The following CCNE2 variants were observed in gnomAD, a reference collection of about 807,000 sequenced individuals.
CCNE2 encodes the protein cyclin E2, also known as G1/S-specific cyclin-E2.
A neutral mutation model predicts 56.8 loss-of-function variants in CCNE2; 18 were observed. That is an observed-to-expected ratio of 0.32 (90% CI 0.22 to 0.47). The LOEUF (loss-of-function observed/expected upper bound fraction) is 0.47, where lower values mean the gene tolerates loss of function less well. Ranked by LOEUF, CCNE2 falls within the 20% of genes least tolerant of loss-of-function variation. The pLI is 1.00. For missense variants in CCNE2, 371 were observed against 467.1 expected, an observed-to-expected ratio of 0.79 and a Z score of 1.90; for synonymous variants, 139 against 149.2, an observed-to-expected ratio of 0.93 and a Z score of 0.50.
At position 94,880,786 on chromosome 8, in the gene CCNE2, A is replaced by G. The variant is rs552361596; in HGVS notation, c.*846T>C. ...AATTAAAAAAAAAAATTCCTTAGGG[A>G]TATCTTAGAGTAGTAAAGTGACTTC... On this transcript the variant is annotated 3_prime_UTR_variant, in exon 12 of 12. Coordinates refer to ENST00000308108, the MANE Select transcript of CCNE2 (RefSeq NM_057749.3). 1.0e-5 allele frequency: 4 copies of G among 398,486 alleles called. No homozygotes were observed. In the South Asian group the frequency reaches 5.1e-4, roughly 51 times the overall value. 24.7% of individuals were successfully genotyped at this position (398,486 alleles called of 1,614,324 possible). A position where few individuals can be genotyped will look rare whatever the true frequency, so the allele number is the denominator to read the frequency against.
intron 7 of CCNE2, among the ~76,000 whole-genome samples, chr8:94,886,043 A>G (rs1419044441): frequency 1.3e-5 from 2 of 152,008 alleles, no homozygotes; most frequent in African/African-American, 4.8e-5. Context: ...AGTATTTTCA[A>G]CCTAAGCAGA....
At chr8:94,885,768 G>A (rs1486658995) in intron 7 of CCNE2, among the ~76,000 whole-genome samples, 6 of 146,712 alleles carry the variant, frequency 4.1e-5, no homozygotes, top group African/African-American at 1.0e-4. Flanking sequence ...TCTCAGGCTG[G>A]AGTGCAGTGG....
At position 94,882,226 on chromosome 8, in the gene CCNE2, T is replaced by C; in HGVS notation, c.1007A>G (p.Lys336Arg). 6.2e-7 allele frequency: 1 copy of C among 1,613,144 alleles called. No homozygotes were observed. The highest frequency in any genetic ancestry group is 8.5e-7 in the Non-Finnish European group (1 of 1,179,558). Residue 336 changes from lysine to arginine, a missense_variant, in exon 11 of 12, where the codon AAA (lysine) becomes AGA (arginine). By Grantham distance (26) the Lys-to-Arg change is conservative. Transcript: ENST00000308108. The part of the protein sequence containing the change: ...DWMVPFVNVV[K>R]STSPVKLKTF... ...CTTCAGCTTCACTGGACTAGTACTT[T>C]TTACTACATTGACAAAAGGTACCAT...
At chr8:94,884,002 T>A (rs930964413) in intron 9 of CCNE2, 14 of 437,832 alleles carry the variant, frequency 3.2e-5, no homozygotes, top group Non-Finnish European at 5.2e-5. Context: ...AGATTTACCA[T>A]CACTATCAGA....
At position 94,885,730 on chromosome 8, in the gene CCNE2, T is replaced by TC. The variant is rs1215097521; in HGVS notation, c.601-173_601-172insG. ...AGACAAAAAGTACATTTTCTTTCTT[T>TC]TTTTTTTTTTTTTTTTTTGAGGCAG... On this transcript the variant is annotated intron_variant, in intron 7 of 11. Transcript: ENST00000308108. Among the ~76,000 whole-genome samples the TC allele has an allele frequency of 1.4e-3, 197 of 136,000 alleles. 1 individual carries two copies. The highest frequency in any genetic ancestry group is 2.6e-3 in the Non-Finnish European group (159 of 60,750). The allele number at this position is 136,000 out of a possible 152,430, so 89.2% of individuals were successfully genotyped here. A position where few individuals can be genotyped will look rare whatever the true frequency, so the allele number is the denominator to read the frequency against.
chr8:94,892,974 C>A lies in CCNE2; in HGVS notation c.166-5G>T. On this transcript the variant is annotated splice_polypyrimidine_tract_variant and splice_region_variant and intron_variant, in intron 4 of 11. Transcript: ENST00000308108. The stretch of plus-strand genomic sequence containing the variant: ...TAATACAGGTGGCCAACAATTCTGT[C>A]ATAAAAAAAAAGAAAAATATCAATT... 1 of 1,522,050 alleles carries A rather than the reference C, an allele frequency of 6.6e-7. No individual in the cohort carries two copies. The highest frequency in any genetic ancestry group is 8.7e-7 in the Non-Finnish European group (1 of 1,148,144). The allele number at this position is 1,522,050 out of a possible 1,614,324, so 94.3% of individuals were successfully genotyped here.
chr8:94,891,891 C>A, intron 5 of CCNE2: 2 of 1,387,014 alleles, frequency 1.4e-6, no homozygotes, highest in South Asian at 2.3e-5. Flanking sequence ...ATTCTCTGGT[C>A]ATTGAGCATC....
upstream of CCNE2, among the ~76,000 whole-genome samples, chr8:94,896,085 C>A (rs887539978): frequency 6.6e-6 from 1 of 152,198 alleles, no homozygotes; most frequent in African/African-American, 2.4e-5. Flanking sequence ...ACGCCGCGCC[C>A]TCCCTTGCTT....
In CCNE2 at chr8:94,894,027, G is replaced by A. The variant is rs1463318494; in HGVS notation, c.107C>T (p.Thr36Ile). 1.2e-6 allele frequency: 2 copies of A among 1,613,784 alleles called. No individual in the cohort carries two copies. The highest frequency in any genetic ancestry group is 2.2e-5 in the East Asian group (1 of 44,888). ...CCCTCTTTCTCCTTAAATCACCTGGGTAGTTTTCCTCTTCTTGGCCTGGAT... is the reference window on the plus strand; with the variant it reads ...CCCTCTTTCTCCTTAAATCACCTGGATAGTTTTCCTCTTCTTGGCCTGGAT... The part of the protein sequence containing the change: ...QIIQAKKRKT[T>I]QDVKKRREEV... The change falls in exon 3 of 12, where the codon ACC becomes ATC. Residue 36 changes from threonine (T) to isoleucine (I), a missense_variant. Transcript: ENST00000308108.
chr8:94,882,095 C>CAGAT (rs1816840588), intron 11 of CCNE2, 37 bp downstream of exon 11: 1 of 1,568,024 alleles, frequency 6.4e-7, no homozygotes, highest in Non-Finnish European at 8.6e-7. Flanking sequence ...TTACTAGATT[C>CAGAT]AGATAGCAAA....
chr8:94,885,167 A>T lies in CCNE2; in HGVS notation c.731T>A (p.Ile244Asn). The change falls in exon 9 of 12, where the codon ATC (isoleucine) becomes AAC (asparagine). Residue 244 changes from isoleucine (I) to asparagine (N), a missense_variant. Physicochemically the swap from Ile to Asn is moderately radical, Grantham distance 149 (BLOSUM62 -3). Coordinates refer to ENST00000308108, the MANE Select transcript of CCNE2 (RefSeq NM_057749.3). The stretch of plus-strand genomic sequence containing the variant: ...TTGGAGAAAGAGATTTAGCCAGGAG[A>T]TGATTGTTACAGGACAAAGTTCCCA... ...LKWELCPVTI[I>N]SWLNLFLQVD... 6.2e-7 allele frequency: 1 copy of T among 1,613,758 alleles called. No homozygotes were observed. The highest frequency in any genetic ancestry group is 1.1e-5 in the South Asian group (1 of 91,072).
intron 5 of CCNE2, chr8:94,891,996 G>C: frequency 1.1e-6 from 1 of 890,718 alleles, no homozygotes. Flanking sequence ...ACATCGAAAT[G>C]ATCTTTAGTG....
At chr8:94,884,007 A>C (rs773820391) in intron 9 of CCNE2, 1 of 436,622 alleles carries the variant, frequency 2.3e-6, no homozygotes, top group Non-Finnish European at 4.7e-6. Flanking sequence ...TACCATCACT[A>C]TCAGAAGGGT....
At position 94,885,539 on chromosome 8, in the gene CCNE2, A is replaced by C; in HGVS notation, c.620T>G (p.Leu207Arg). 3 of 1,601,046 alleles carry C rather than the reference A, an allele frequency of 1.9e-6. No individual in the cohort carries two copies. Among genetic ancestry groups the C allele is most frequent in the East Asian group, 4.5e-5 (2 of 44,724 alleles). ...SKLEEIYAPK[L>R]QEFAYVTDGA... ...ATCAGTGACGTAAGCAAACTCTTGG[A>C]GTTTAGGAGCATAGATTTCCTTTAA... Residue 207 changes from leucine (L) to arginine (R), a missense_variant, in exon 8 of 12, where the codon CTC becomes CGC. Transcript: ENST00000308108.
At position 94,882,979 on chromosome 8, in the gene CCNE2, A is replaced by G. The variant is rs964987264; in HGVS notation, c.832-87T>C. 4 of 912,008 alleles carry G rather than the reference A, an allele frequency of 4.4e-6. No homozygotes were observed. The African/African-American group carries it at 6.6e-5, about 15-fold the overall frequency. The allele number at this position is 912,008 out of a possible 1,614,324, so 56.5% of individuals were successfully genotyped here. On this transcript the variant is annotated intron_variant, in intron 9 of 11. Coordinates refer to ENST00000308108, the MANE Select transcript of CCNE2 (RefSeq NM_057749.3). ...CTAAAACCTTAGGGATCTAGAGATA[A>G]ATAAGCCACCACCCGGCCAGGCGCG...
At chr8:94,892,675 A>G (rs929512760) in intron 5 of CCNE2, 143 bp downstream of exon 5, 26 of 489,222 alleles carry the variant, frequency 5.3e-5, no homozygotes, top group African/African-American at 5.3e-4. Flanking sequence ...CACTACTCTC[A>G]GATAAAATGA....
At chr8:94,891,682 ACCATGAAGTATTTTT>A in intron 5 of CCNE2, 4 of 542,148 alleles carry the variant, frequency 7.4e-6, no homozygotes, top group Admixed American at 3.2e-5. Flanking sequence ...AAAAAAAAAC[ACCATGAAGTATTTTT>A]AAAATGTCAC....
intron 7 of CCNE2, among the ~76,000 whole-genome samples, chr8:94,887,573 T>C (rs893909263): frequency 2.1e-4 from 32 of 152,322 alleles, no homozygotes; most frequent in African/African-American, 7.5e-4. Context: ...TTCATTTCAT[T>C]TTATTAGCTG....
chr8:94,895,239 C>G (rs1461684096), upstream of CCNE2: 8 of 985,628 alleles, frequency 8.1e-6, no homozygotes, highest in South Asian at 2.3e-4. Context: ...TAGGCCGGGC[C>G]GGTCCCGCCC....
Sources: allele counts gnomAD v4.1 joint callset (sites outside exome capture counted in the v4.1 genomes callset), GRCh38; gene constraint gnomAD v4.1.1; transcripts MANE v1.5; gene names NCBI Gene and HGNC (gene_info 2026-07-23, HGNC 2026-07-21).